Variants in LIN52 observed in about 807,000 individuals in gnomAD.
LIN52 encodes the protein lin-52 DREAM MuvB core complex component, also known as protein lin-52 homolog.
A neutral mutation model predicts 18.5 loss-of-function variants in LIN52; 4 were observed. The observed-to-expected ratio is 0.22, with a 90% CI of 0.11 to 0.49. The LOEUF is 0.49. Among genes scored for constraint, LIN52 ranks in the 20% least tolerant of loss-of-function variants. LIN52 has a pLI of 0.97. For missense variants in LIN52, 102 were observed against 139.5 expected (o/e 0.73, Z 1.35); for synonymous variants, 34 against 45.5 (o/e 0.75, Z 1.02).
rs1430699366 is a variant in LIN52, at chr14:74,107,850, T to C, written c.283+6612T>C. On this transcript the variant is annotated intron_variant, in intron 5 of 5. Transcript: ENST00000555028. ...CCCTGATACATTTGGTTTTTTTCTC[T>C]TTTTTTTGGGTAACAGCTTTATTGA... Among the ~76,000 whole-genome samples, 5 of 151,874 alleles carry C rather than the reference T, an allele frequency of 3.3e-5. No homozygotes were observed. In the South Asian group the frequency reaches 1.0e-3, roughly 31 times the overall value.
intron 5 of LIN52, among the ~76,000 whole-genome samples, chr14:74,168,843 C>T (rs534864996): frequency 6.6e-6 from 1 of 152,244 alleles, no homozygotes; most frequent in South Asian, 2.1e-4. Flanking sequence ...GCAGTCGGAT[C>T]ACTTGAGGTC....
At chr14:74,186,247 G>T (rs2061340108) in intron 5 of LIN52, among the ~76,000 whole-genome samples, 1 of 151,934 alleles carries the variant, frequency 6.6e-6, no homozygotes. Context: ...AGCCAAGATG[G>T]TGCCACTGCA....
chr14:74,154,087 A>G (rs2061187957), intron 5 of LIN52, among the ~76,000 whole-genome samples: 1 of 151,762 alleles, frequency 6.6e-6, no homozygotes, highest in South Asian at 2.1e-4. Context: ...TAAAGTCCAT[A>G]CTTTATTCAC....
intron 5 of LIN52, among the ~76,000 whole-genome samples, chr14:74,142,356 T>C (rs1160172505): frequency 6.6e-6 from 1 of 152,206 alleles, no homozygotes; most frequent in African/African-American, 2.4e-5. Flanking sequence ...TGTTAGTCAT[T>C]TGAATTGATG....
At chr14:74,165,637 T>C (rs1330454712) in intron 5 of LIN52, among the ~76,000 whole-genome samples, 1 of 150,898 alleles carries the variant, frequency 6.6e-6, no homozygotes, top group Non-Finnish European at 1.5e-5. Context: ...GCTTCCCAAG[T>C]AGCTGGGATT....
chr14:74,117,469 A>AT (rs143832917), intron 5 of LIN52, among the ~76,000 whole-genome samples: 3,541 of 147,936 alleles, frequency 0.024, 147 homozygotes, highest in African/African-American at 0.08. Context: ...ATGGACCTGG[A>AT]TTTCTTTTTT....
At chr14:74,175,752 C>CACACACACACACACACT (rs1566867516) in intron 5 of LIN52, among the ~76,000 whole-genome samples, 1 of 116,084 alleles carries the variant, frequency 8.6e-6, no homozygotes, top group African/African-American at 4.2e-5. Flanking sequence ...ACACACACAC[C>CACACACACACACACACT]CCCATTATAC....
rs1400027660 is a variant in LIN52 at position 74,199,865 on chromosome 14, A to T, written c.*888A>T. ...TGACCTTAAAGTAACATGCTATGGGATGGTGGGATTGTCCCCTCTGACAGC... is the reference window on the plus strand; with the variant it reads ...TGACCTTAAAGTAACATGCTATGGGTTGGTGGGATTGTCCCCTCTGACAGC... On this transcript the variant is annotated 3_prime_UTR_variant, in exon 6 of 6. Transcript: ENST00000555028. 1 of 152,234 alleles carries T rather than the reference A, an allele frequency of 6.6e-6. No individual in the cohort carries two copies. The highest frequency in any genetic ancestry group is 1.5e-5 in the Non-Finnish European group (1 of 68,036). The allele number at this position is 152,234 out of a possible 1,614,324, so 9.4% of individuals were successfully genotyped here.
chr14:74,138,769 C>CAAAA (rs35627946), intron 5 of LIN52, among the ~76,000 whole-genome samples: 1 of 113,870 alleles, frequency 8.8e-6, no homozygotes, highest in Non-Finnish European at 1.8e-5. Context: ...GACCCTGCCT[C>CAAAA]AAAAAAAAAA....
chr14:74,169,633 G>C (rs1451025251), intron 5 of LIN52, among the ~76,000 whole-genome samples: 3 of 152,184 alleles, frequency 2.0e-5, no homozygotes, highest in Admixed American at 2.0e-4. Context: ...TTGCAATACA[G>C]AAAGAAAGCA....
At chr14:74,167,661 T>G (rs891700547) in intron 5 of LIN52, among the ~76,000 whole-genome samples, 1 of 152,222 alleles carries the variant, frequency 6.6e-6, no homozygotes, top group African/African-American at 2.4e-5. Flanking sequence ...AAGTGAAGTA[T>G]TGTCCCTAAT....
chr14:74,162,688 C>T (rs2061231259), intron 5 of LIN52, among the ~76,000 whole-genome samples: 1 of 152,138 alleles, frequency 6.6e-6, no homozygotes, highest in South Asian at 2.1e-4. Flanking sequence ...GCCACTGCGC[C>T]CAGCCGAATT....
At chr14:74,103,427 A>ATTT (rs11347849) in intron 5 of LIN52, among the ~76,000 whole-genome samples, 9 of 88,574 alleles carry the variant, frequency 1.0e-4, no homozygotes, top group African/African-American at 1.4e-4. Flanking sequence ...AAAATGTAAG[A>ATTT]TTTTTTTTTT....
chr14:74,090,416 A>G, intron 1 of LIN52, among the ~76,000 whole-genome samples: 1 of 151,710 alleles, frequency 6.6e-6, no homozygotes, highest in Admixed American at 6.6e-5. Context: ...GCTCACTGTA[A>G]CCTCTGCCTC....
intron 5 of LIN52, among the ~76,000 whole-genome samples, chr14:74,183,271 T>G (rs570213723): frequency 7.9e-5 from 12 of 152,212 alleles, no homozygotes; most frequent in Admixed American, 5.9e-4. Context: ...CTAATTTTTT[T>G]TGTATTTTTA....
chr14:74,110,797 T>C (rs529601885), intron 5 of LIN52, among the ~76,000 whole-genome samples: 1 of 151,558 alleles, frequency 6.6e-6, no homozygotes, highest in African/African-American at 2.4e-5. Flanking sequence ...ACCCCGTCTC[T>C]ACTAAAAATA....
rs912846027 is a variant in LIN52 at position 74,160,089 on chromosome 14, G to A, written c.284-38833G>A. ...AGTCCTCTTCCTTATTTGGAGATAG[G>A]CTCTTTACAGAGGTAATTAAGTTAA... On this transcript the variant is annotated intron_variant, in intron 5 of 5. Transcript: ENST00000555028. 3.9e-5 allele frequency among the ~76,000 whole-genome samples: 6 copies of A among 152,144 alleles called. No individual in the cohort carries two copies. The East Asian group carries it at 1.2e-3, about 29-fold the overall frequency.
intron 3 of LIN52, among the ~76,000 whole-genome samples, chr14:74,097,196 T>C (rs888588323): frequency 6.6e-6 from 1 of 152,210 alleles, no homozygotes; most frequent in Admixed American, 6.5e-5. Context: ...TTTCAAGTAA[T>C]TTCATTCATT....
At chr14:74,119,160 C>CTTT (rs543503099) in intron 5 of LIN52, among the ~76,000 whole-genome samples, 29 of 115,414 alleles carry the variant, frequency 2.5e-4, no homozygotes, top group East Asian at 1.0e-3. Context: ...GATTTTCTTT[C>CTTT]TTTTTTTTTT....
Sources: allele counts gnomAD v4.1 joint callset (sites outside exome capture counted in the v4.1 genomes callset), GRCh38; gene constraint gnomAD v4.1.1; transcripts MANE v1.5; gene names NCBI Gene and HGNC (gene_info 2026-07-23, HGNC 2026-07-21).